Variants in CSMD1 observed in about 807,000 individuals in gnomAD.
The protein encoded by CSMD1 is CUB and Sushi multiple domains 1, also known as CUB and sushi domain-containing protein 1.
A neutral mutation model predicts 417.5 loss-of-function variants in CSMD1; 213 were observed. The ratio of observed to expected loss-of-function variants is 0.51; its 90% CI spans 0.46 to 0.57. The LOEUF (loss-of-function observed/expected upper bound fraction) is 0.57, where lower values mean the gene tolerates loss of function less well. Among genes scored for constraint, CSMD1 ranks in the 20% least tolerant of loss-of-function variants. CSMD1 has a pLI of 0.00. For synonymous variants in CSMD1, 2,862 were observed against 1,736.8 expected, an observed-to-expected ratio of 1.65 and a Z score of -16.11; for missense variants, 6,923 against 4,529.7, an observed-to-expected ratio of 1.53 and a Z score of -15.17.
chr8:4,698,757 T>TAA (rs11304604), intron 1 of CSMD1, among the ~76,000 whole-genome samples: 2 of 149,162 alleles, frequency 1.3e-5, no homozygotes, highest in Non-Finnish European at 3.0e-5. Context: ...CTCTGCCCCT[T>TAA]AAAAAAAAAA....
rs115312794 is a variant in CSMD1 at position 4,161,065 on chromosome 8, G to T, written c.416-128966C>A. ...TTAAAAACTGAGCAGTCCCAGATTTGCAGGAAATGTAAATAATGTAAGAGA... is the reference window on the plus strand; with the variant it reads ...TTAAAAACTGAGCAGTCCCAGATTTTCAGGAAATGTAAATAATGTAAGAGA... On this transcript the variant is annotated intron_variant, in intron 3 of 69. Coordinates refer to ENST00000635120, the MANE Select transcript of CSMD1 (RefSeq NM_033225.6). 7.2e-3 allele frequency among the ~76,000 whole-genome samples: 1,094 copies of T among 151,846 alleles called. 13 individuals are homozygous for T. The highest frequency in any genetic ancestry group is 0.026 in the African/African-American group (1,056 of 41,380).
intron 3 of CSMD1, among the ~76,000 whole-genome samples, chr8:4,096,296 G>C (rs1049393943): frequency 1.3e-5 from 2 of 152,014 alleles, no homozygotes; most frequent in African/African-American, 4.8e-5. Flanking sequence ...CATTGTGCTA[G>C]GATCACCACA....
At chr8:4,392,020 G>A (rs902258442) in intron 3 of CSMD1, among the ~76,000 whole-genome samples, 5 of 150,404 alleles carry the variant, frequency 3.3e-5, no homozygotes, top group African/African-American at 1.3e-4. Flanking sequence ...TTGTGAGTGG[G>A]TAAGTGAGTC....
chr8:3,840,515 A>C (rs1803059119), intron 5 of CSMD1, among the ~76,000 whole-genome samples: 1 of 152,140 alleles, frequency 6.6e-6, no homozygotes. Context: ...AGGCAAAACA[A>C]AACGGTAGAG....
chr8:4,969,991 G>C (rs1040891215), intron 1 of CSMD1, among the ~76,000 whole-genome samples: 1 of 149,468 alleles, frequency 6.7e-6, no homozygotes, highest in East Asian at 1.9e-4. Flanking sequence ...GCCTTCCATG[G>C]TCCGTATATT....
At chr8:4,182,032 G>C (rs1472729272) in intron 3 of CSMD1, among the ~76,000 whole-genome samples, 1 of 118,116 alleles carries the variant, frequency 8.5e-6, no homozygotes, top group East Asian at 2.3e-4. Context: ...ACCCGTGTGT[G>C]TGTGTGTGTG....
intron 37 of CSMD1, among the ~76,000 whole-genome samples, chr8:3,174,768 C>G (rs1461833822): frequency 6.6e-6 from 1 of 151,962 alleles, no homozygotes; most frequent in Non-Finnish European, 1.5e-5. Context: ...TTATAGCTTT[C>G]TCTTTGGTTG....
chr8:4,687,824 CACAT>C (rs953761477), intron 1 of CSMD1, among the ~76,000 whole-genome samples: 5 of 120,638 alleles, frequency 4.1e-5, no homozygotes, highest in Admixed American at 2.0e-4. Flanking sequence ...CACACAAACA[CACAT>C]ACATACATAC....
At chr8:3,963,066 G>C (rs997981096) in intron 5 of CSMD1, among the ~76,000 whole-genome samples, 1 of 152,082 alleles carries the variant, frequency 6.6e-6, no homozygotes, top group East Asian at 1.9e-4. Context: ...GAGTAGCTGA[G>C]ATTACAGGTA....
chr8:4,704,398 A>G (rs1365545125), intron 1 of CSMD1, among the ~76,000 whole-genome samples: 3 of 152,160 alleles, frequency 2.0e-5, no homozygotes, highest in African/African-American at 7.2e-5. Flanking sequence ...TTGTTTATTT[A>G]CTTATCTATT....
intron 3 of CSMD1, among the ~76,000 whole-genome samples, chr8:4,063,009 T>C (rs1203498968): frequency 6.6e-6 from 1 of 152,188 alleles, no homozygotes; most frequent in African/African-American, 2.4e-5. Flanking sequence ...TATTAAGAGA[T>C]ACTGTTAGTT....
At chr8:3,988,968 C>G (rs969696896) in intron 5 of CSMD1, among the ~76,000 whole-genome samples, 1 of 152,114 alleles carries the variant, frequency 6.6e-6, no homozygotes, top group East Asian at 1.9e-4. Context: ...AGGTTATTTG[C>G]TGAACATAGA....
rs578233731 is a variant in CSMD1 at position 4,553,266 on chromosome 8, A to G, written c.302+84076T>C. Among the ~76,000 whole-genome samples, 7 of 152,314 alleles carry G rather than the reference A, an allele frequency of 4.6e-5. No homozygotes were observed. In the South Asian group the frequency reaches 1.5e-3, roughly 32 times the overall value. ...ACCATCATAAATGTAACAGTTCCTC[A>G]TTCCACTTCACTCCAAAGACTAAGA... is the stretch of plus-strand genomic sequence containing the variant. On this transcript the variant is annotated intron_variant, in intron 2 of 69. Transcript: ENST00000635120.
At chr8:4,848,674 G>A (rs533078002) in intron 1 of CSMD1, among the ~76,000 whole-genome samples, 64 of 151,920 alleles carry the variant, frequency 4.2e-4, no homozygotes, top group African/African-American at 1.5e-3. Flanking sequence ...CGAGTAGCTG[G>A]GATTACAGGC....
chr8:3,736,893 G>C (rs1024797066), intron 6 of CSMD1, among the ~76,000 whole-genome samples: 2 of 152,216 alleles, frequency 1.3e-5, no homozygotes, highest in African/African-American at 4.8e-5. Flanking sequence ...AGAAGGTGCT[G>C]TGTGCATCCT....
intron 23 of CSMD1, among the ~76,000 whole-genome samples, chr8:3,327,301 T>A (rs1310420904): frequency 6.6e-6 from 1 of 151,910 alleles, no homozygotes; most frequent in African/African-American, 2.4e-5. Context: ...CACCACCACA[T>A]CTGGCTAATT....
At chr8:3,503,861 AG>A (rs1255190271) in intron 10 of CSMD1, among the ~76,000 whole-genome samples, 5 of 121,780 alleles carry the variant, frequency 4.1e-5, no homozygotes, top group African/African-American at 1.6e-4. Context: ...CACTCTTCCT[AG>A]CCCCTGGTAG....
At chr8:3,046,272 T>G (rs1483581394) in intron 50 of CSMD1, among the ~76,000 whole-genome samples, 2 of 152,076 alleles carry the variant, frequency 1.3e-5, no homozygotes, top group African/African-American at 2.4e-5. Flanking sequence ...TGAAGCCACG[T>G]GGACGCATGT....
At chr8:3,949,237 G>A (rs542446317) in intron 5 of CSMD1, among the ~76,000 whole-genome samples, 1 of 151,984 alleles carries the variant, frequency 6.6e-6, no homozygotes, top group African/African-American at 2.4e-5. Flanking sequence ...TAGCAATTTT[G>A]AAAAAATACA....
Sources: allele counts gnomAD v4.1 joint callset (sites outside exome capture counted in the v4.1 genomes callset), GRCh38; gene constraint gnomAD v4.1.1; transcripts MANE v1.5; gene names NCBI Gene and HGNC (gene_info 2026-07-23, HGNC 2026-07-21).